KIF1C: variants seen among roughly 807,000 people sequenced by gnomAD.
The protein encoded by KIF1C is kinesin family member 1C, also known as kinesin-like protein KIF1C.
In KIF1C, 61 loss-of-function variants were observed where a neutral mutation model predicts 126.5. That is an observed-to-expected ratio of 0.48 (90% CI 0.39 to 0.60). The LOEUF (loss-of-function observed/expected upper bound fraction) is 0.60, where lower values mean the gene tolerates loss of function less well. Ranked by LOEUF, KIF1C falls within the 20% of genes least tolerant of loss-of-function variation. KIF1C has a pLI of 0.00. For missense variants in KIF1C, 1,315 were observed against 1,489.2 expected (o/e 0.88, Z 1.93); for synonymous variants, 640 against 580.6 (o/e 1.10, Z -1.47).
chr17:5,005,873 C>T lies in KIF1C; in HGVS notation c.1165+873C>T, dbSNP rs560489575. On this transcript the variant is annotated intron_variant, in intron 13 of 22. Transcript: ENST00000320785. ...TCCCGAATAACTGGGATTACAGGCG[C>T]CCACCACCACACCTGGCTAATTTTT... Among the ~76,000 whole-genome samples, 23 of 151,222 alleles carry T rather than the reference C, an allele frequency of 1.5e-4. No individual in the cohort carries two copies. In the East Asian group the frequency reaches 4.4e-3, roughly 29 times the overall value.
At chr17:5,015,313 C>T (rs533169048) in intron 18 of KIF1C, among the ~76,000 whole-genome samples, 30 of 151,154 alleles carry the variant, frequency 2.0e-4, no homozygotes, top group Non-Finnish European at 3.8e-4. Flanking sequence ...ACGGAGTGTT[C>T]GCTCTTGTCG....
rs142811879 is a variant in KIF1C at position 5,006,946 on chromosome 17, C to T, written c.1197C>T (p.Gly399=). 54 of 1,609,630 alleles carry T rather than the reference C, an allele frequency of 3.4e-5. No individual in the cohort carries two copies. The African/African-American group carries it at 4.4e-4, about 13-fold the overall frequency. Residue 399 remains glycine, a synonymous_variant, in exon 14 of 23, where the codon GGC becomes GGT. Coordinates refer to ENST00000320785, the MANE Select transcript of KIF1C (RefSeq NM_006612.6). ...AGACGGAAGAAGGGAGTGTCAGAGG[C>T]GCCCTGCCAGCTGTGTCATCTCCCC... ...GLKTEEGSVR[G]ALPAVSSPPA... is the part of the protein sequence containing the mutation.
chr17:5,003,784 T>C (rs1974662255), intron 9 of KIF1C, 67 bp from the exon 10 acceptor site: 1 of 1,561,194 alleles, frequency 6.4e-7, no homozygotes, highest in Non-Finnish European at 8.8e-7. Context: ...ACTGGGGAGG[T>C]AGGAAGCGGA....
intron 17 of KIF1C, chr17:5,014,441 A>G: frequency 2.8e-6 from 1 of 363,238 alleles, no homozygotes; most frequent in Non-Finnish European, 5.1e-6. Flanking sequence ...AGATCTCTAA[A>G]CAGCTGCCTC....
rs1006609540 is a variant in KIF1C, at chr17:5,026,230, G to C, written c.*2079G>C. ...AGATCTGGAATGTAATGGATGGTTT[G>C]GCAACAGTGTTTGCTTGAGCAGTTT... On this transcript the variant is annotated 3_prime_UTR_variant, in exon 23 of 23. Transcript: ENST00000320785. 6.6e-6 allele frequency: 1 copy of C among 152,188 alleles called. No homozygotes were observed. The highest frequency in any genetic ancestry group is 2.4e-5 in the African/African-American group (1 of 41,446). The allele number at this position is 152,188 out of a possible 1,614,324, so 9.4% of individuals were successfully genotyped here. A position where few individuals can be genotyped will look rare whatever the true frequency, so the allele number is the denominator to read the frequency against.
At position 5,022,664 on chromosome 17, in the gene KIF1C, G is replaced by A. The variant is rs1439383201; in HGVS notation, c.2583G>A (p.Leu861=). The A allele has an allele frequency of 1.9e-6, 3 of 1,593,280 alleles. No individual in the cohort carries two copies. Among genetic ancestry groups the A allele is most frequent in the Middle Eastern group, 1.7e-4 (1 of 5,968 alleles). ...NSSKDRELQA[L]RDRMLRMERV... is the part of the protein sequence containing the mutation. ...GCAAGGACCGGGAGCTGCAGGCCCT[G>A]CGGGACCGCATGCTCCGCATGGAGA... Residue 861 remains leucine (L), a synonymous_variant, in exon 22 of 23, where the codon CTG becomes CTA. Coordinates refer to ENST00000320785, the MANE Select transcript of KIF1C (RefSeq NM_006612.6). This position sits in a 1 kb window ranked among gnomAD's most constrained non-coding sequence, Gnocchi z 4.9.
chr17:5,022,759 T>C lies in KIF1C; in HGVS notation c.2628+50T>C, dbSNP rs764886729. ...TCTCTCCTCCCTCGGCTCTTCACTT[T>C]AGGAGTCTGAACCTTCCATCTCAGA... On this transcript the variant is annotated intron_variant, in intron 22 of 22. Transcript: ENST00000320785. This position sits in a 1 kb window ranked among gnomAD's most constrained non-coding sequence, Gnocchi z 4.9. 6.2e-6 allele frequency: 9 copies of C among 1,462,694 alleles called. No individual in the cohort carries two copies. The East Asian group carries it at 9.6e-5, about 16-fold the overall frequency. 90.6% of individuals were successfully genotyped at this position (1,462,694 alleles called of 1,614,324 possible).
At chr17:5,001,120 T>A in intron 4 of KIF1C, 102 bp from the exon 5 acceptor site, 2 of 1,251,770 alleles carry the variant, frequency 1.6e-6, no homozygotes, top group Non-Finnish European at 2.3e-6. Context: ...ACAGGACATT[T>A]GGGGAATCGT....
At chr17:5,018,069 C>G (rs986507413) in intron 18 of KIF1C, among the ~76,000 whole-genome samples, 33 of 152,196 alleles carry the variant, frequency 2.2e-4, no homozygotes, top group Non-Finnish European at 4.0e-4. Context: ...TAGCCTCAAC[C>G]TCCCGGGTTA....
rs1158891119 is a variant in KIF1C, at chr17:5,023,602, G to T, written c.2763G>T (p.Trp921Cys). ...ARPPSPPLSSWERVSRLMEED... is the reference protein window; with the variant it reads ...ARPPSPPLSSCERVSRLMEED... Reference sequence around the variant, plus strand: ...CCCCCTCGCCACCACTGTCAAGCTGGGAGCGGGTGTCACGGCTCATGGAGG... The same window carrying T: ...CCCCCTCGCCACCACTGTCAAGCTGTGAGCGGGTGTCACGGCTCATGGAGG... The change falls in exon 23 of 23, where the codon TGG becomes TGT. Residue 921 changes from tryptophan to cysteine, a missense_variant. Coordinates refer to ENST00000320785, the MANE Select transcript of KIF1C (RefSeq NM_006612.6). The surrounding 1 kb of genome is among the most constrained non-coding windows in gnomAD (Gnocchi z 4.2). 6.2e-7 allele frequency: 1 copy of T among 1,613,738 alleles called. No individual in the cohort carries two copies. Among genetic ancestry groups the T allele is most frequent in the Admixed American group, 1.7e-5 (1 of 60,010 alleles).
chr17:5,015,224 G>T (rs1974947154), intron 18 of KIF1C, among the ~76,000 whole-genome samples: 1 of 152,172 alleles, frequency 6.6e-6, no homozygotes, highest in East Asian at 1.9e-4. Flanking sequence ...ACTTGTCCCT[G>T]TGGAAAACCT....
Position 5,022,685 on chromosome 17 carries a change from G to A in KIF1C, c.2604G>A (p.Met868Ile), listed in dbSNP as rs1443856811. The change falls in exon 22 of 23, where the codon ATG becomes ATA. Residue 868 changes from methionine to isoleucine, a missense_variant. Transcript: ENST00000320785. The surrounding 1 kb of genome is among the most constrained non-coding windows in gnomAD (Gnocchi z 4.9). ...CCCTGCGGGACCGCATGCTCCGCAT[G>A]GAGAGGGTCATCCCCCTGGCCCAGG... The part of the protein sequence containing the change: ...LQALRDRMLR[M>I]ERVIPLAQDH... 6.4e-7 allele frequency: 1 copy of A among 1,563,744 alleles called. No homozygotes were observed. Among genetic ancestry groups the A allele is most frequent in the Admixed American group, 1.8e-5 (1 of 54,400 alleles).
intron 21 of KIF1C, among the ~76,000 whole-genome samples, chr17:5,021,845 T>C (rs1309473458): frequency 2.0e-5 from 3 of 152,114 alleles, no homozygotes; most frequent in African/African-American, 7.2e-5. Flanking sequence ...TATGGTAACT[T>C]TCTCGGTGCC....
chr17:5,008,420 G>A (rs1597851131), intron 16 of KIF1C, among the ~76,000 whole-genome samples: 1 of 152,346 alleles, frequency 6.6e-6, no homozygotes, highest in African/African-American at 2.4e-5. Context: ...TGAACTTCCA[G>A]TTCCACCAGG....
Position 5,004,579 on chromosome 17 carries a change from G to T in KIF1C, c.953G>T (p.Arg318Leu). ...ACTCCATTCACAGGGGGGAACTCAC[G>T]CACAGCCATGATTGCAGCCCTGAGC... is the stretch of plus-strand genomic sequence containing the variant. ...LLKENLGGNSRTAMIAALSPA... is the reference protein window; with the variant it reads ...LLKENLGGNSLTAMIAALSPA... Residue 318 changes from arginine to leucine, a missense_variant, in exon 12 of 23, where the codon CGC becomes CTC. Arg to Leu is a moderately radical substitution (Grantham distance 102). Coordinates refer to ENST00000320785, the MANE Select transcript of KIF1C (RefSeq NM_006612.6). 6.2e-7 allele frequency: 1 copy of T among 1,614,084 alleles called. No individual in the cohort carries two copies. Among genetic ancestry groups the T allele is most frequent in the Non-Finnish European group, 8.5e-7 (1 of 1,180,008 alleles).
At position 5,014,827 on chromosome 17, in the gene KIF1C, A is replaced by G. The variant is rs57144955; in HGVS notation, c.1656A>G (p.Pro552=). The part of the protein sequence containing the change: ...QHCLFRSIPQ[P]DGEVVVTLEP... Reference sequence around the variant, plus strand: ...GTCTGTTCCGGAGCATCCCCCAGCCAGATGGAGAAGGTAATGGCTGAGGGG... The same window carrying G: ...GTCTGTTCCGGAGCATCCCCCAGCCGGATGGAGAAGGTAATGGCTGAGGGG... Residue 552 remains proline, a synonymous_variant, in exon 18 of 23, where the codon CCA becomes CCG. Coordinates refer to ENST00000320785, the MANE Select transcript of KIF1C (RefSeq NM_006612.6). 6.7e-3 allele frequency: 10,685 copies of G among 1,591,798 alleles called. 593 individuals carry two copies. In the African/African-American group the frequency reaches 0.12, roughly 18 times the overall value.
At chr17:5,014,073 G>A (rs1597856215) in intron 17 of KIF1C, 1 of 305,698 alleles carries the variant, frequency 3.3e-6, no homozygotes, top group East Asian at 7.6e-5. Flanking sequence ...GGGAAACACG[G>A]CCTGGTCTGT....
At position 5,014,373 on chromosome 17, in the gene KIF1C, C is replaced by G. The variant is rs904428997; in HGVS notation, c.1572-370C>G. On this transcript the variant is annotated intron_variant, in intron 17 of 22. Coordinates refer to ENST00000320785, the MANE Select transcript of KIF1C (RefSeq NM_006612.6). ...GGCAGCCTCTGCTTTTGGGGTATGG[C>G]TGCTGAGGGTTAGCCACATTGGTGC... 4.2e-5 allele frequency: 9 copies of G among 215,544 alleles called. No individual in the cohort carries two copies. In the Admixed American group the frequency reaches 4.7e-4, roughly 11 times the overall value. The allele number at this position is 215,544 out of a possible 1,614,324, so 13.4% of individuals were successfully genotyped here.
Position 5,023,593 on chromosome 17 carries a change from G to A in KIF1C, c.2754G>A (p.Leu918=), listed in dbSNP as rs142334287. ...MPSARPPSPP[L]SSWERVSRLM... is the part of the protein sequence containing the mutation. Reference sequence around the variant, plus strand: ...CAGCCCGGCCCCCCTCGCCACCACTGTCAAGCTGGGAGCGGGTGTCACGGC... The same window carrying A: ...CAGCCCGGCCCCCCTCGCCACCACTATCAAGCTGGGAGCGGGTGTCACGGC... Residue 918 remains leucine (L), a synonymous_variant, in exon 23 of 23, where the codon CTG becomes CTA. Coordinates refer to ENST00000320785, the MANE Select transcript of KIF1C (RefSeq NM_006612.6). The surrounding 1 kb of genome is among the most constrained non-coding windows in gnomAD (Gnocchi z 4.2). 3 of 1,613,636 alleles carry A rather than the reference G, an allele frequency of 1.9e-6. No homozygotes were observed. The African/African-American group carries it at 4.0e-5, about 22-fold the overall frequency.
Sources: gnomAD v4.1 joint callset for allele counts (sites outside exome capture counted in the v4.1 genomes callset) on GRCh38, gnomAD v4.1.1 for gene constraint, Gnocchi (gnomAD v3.1) non-coding constraint, MANE v1.5 for transcripts, NCBI Gene and HGNC (gene_info 2026-07-23, HGNC 2026-07-21) for gene names.